The following CAMKK1 variants were observed in gnomAD, a reference collection of about 807,000 sequenced individuals.
CAMKK1 encodes calcium/calmodulin dependent protein kinase kinase 1.
In CAMKK1, 20 loss-of-function variants were observed where a neutral mutation model predicts 63.5. The ratio of observed to expected loss-of-function variants is 0.32; its 90% confidence interval spans 0.22 to 0.46. The LOEUF is 0.46. Ranked by LOEUF, CAMKK1 falls within the 20% of genes least tolerant of loss-of-function variation. CAMKK1 has a pLI of 1.00. For synonymous variants in CAMKK1, 253 were observed against 269.0 expected (o/e 0.94, Z 0.58); for missense variants, 588 against 658.1 (o/e 0.89, Z 1.17).
chr17:3,868,325 C>T (rs1360301099), intron 14 of CAMKK1, among the ~76,000 whole-genome samples: 261 of 145,530 alleles, frequency 1.8e-3, no homozygotes, highest in African/African-American at 6.6e-3. Flanking sequence ...AACTGATACA[C>T]AGGATCTGGG....
chr17:3,869,477 G>T lies in CAMKK1; in HGVS notation c.1341+10C>A. On this transcript the variant is annotated intron_variant, in intron 14 of 15. Coordinates refer to ENST00000348335, the MANE Select transcript of CAMKK1 (RefSeq NM_032294.3). The stretch of plus-strand genomic sequence containing the variant: ...CCAGGACAAGGGAGCATCTACCCCG[G>T]CTCTCTTACCACCGTGGTCCAGCTG... 1 of 1,614,078 alleles carries T rather than the reference G, an allele frequency of 6.2e-7. No individual in the cohort carries two copies. Among genetic ancestry groups the T allele is most frequent in the Non-Finnish European group, 8.5e-7 (1 of 1,179,980 alleles).
In CAMKK1 at chr17:3,884,004, G is replaced by T; in HGVS notation, c.409-67C>A. The T allele has an allele frequency of 1.3e-6, 2 of 1,506,510 alleles. No homozygotes were observed. Among genetic ancestry groups the T allele is most frequent in the South Asian group, 1.1e-5 (1 of 88,544 alleles). 93.3% of individuals were successfully genotyped at this position (1,506,510 alleles called of 1,614,324 possible). A position where few individuals can be genotyped will look rare whatever the true frequency, so the allele number is the denominator to read the frequency against. On this transcript the variant is annotated intron_variant, in intron 3 of 15. Coordinates refer to ENST00000348335, the MANE Select transcript of CAMKK1 (RefSeq NM_032294.3). The surrounding 1 kb of genome is among the most constrained non-coding windows in gnomAD (Gnocchi z 4.5). ...CCCTCCCAGGACCAGCTCAGGAGGTGGGGAGCCGAGCAGCTCTGGTCTCTC... is the reference window on the plus strand; with the variant it reads ...CCCTCCCAGGACCAGCTCAGGAGGTTGGGAGCCGAGCAGCTCTGGTCTCTC...
At position 3,882,740 on chromosome 17, in the gene CAMKK1, C is replaced by T. The variant is rs1018478476; in HGVS notation, c.649-176G>A. ...TGATGGGGCCTCAGAAGTCACCGAC[C>T]CCCAACCTGGCCCGCCACACGACAT... On this transcript the variant is annotated intron_variant, in intron 6 of 15. Coordinates refer to ENST00000348335, the MANE Select transcript of CAMKK1 (RefSeq NM_032294.3). This position sits in a 1 kb window ranked among gnomAD's most constrained non-coding sequence, Gnocchi z 4.3. 3.9e-5 allele frequency among the ~76,000 whole-genome samples: 6 copies of T among 152,132 alleles called. No individual in the cohort carries two copies. The highest frequency in any genetic ancestry group is 8.8e-5 in the Non-Finnish European group (6 of 68,010).
At chr17:3,870,532 A>AT (rs1447717028) in intron 12 of CAMKK1, among the ~76,000 whole-genome samples, 2 of 151,908 alleles carry the variant, frequency 1.3e-5, no homozygotes, top group East Asian at 1.9e-4. Flanking sequence ...TGCCCGGCTA[A>AT]TTTTTTGTAT....
intron 11 of CAMKK1, 50 bp from the exon 12 acceptor site, chr17:3,872,677 G>T: frequency 6.6e-7 from 1 of 1,524,722 alleles, no homozygotes; most frequent in Non-Finnish European, 9.1e-7. Context: ...GCCTCGACCT[G>T]TGCCAGGGGA....
chr17:3,885,494 C>T lies in CAMKK1; in HGVS notation c.194G>A (p.Arg65Gln), dbSNP rs770424932. The part of the protein sequence containing the change: ...PGSTSRLLPA[R>Q]PSLSARKLSL... ...AAGCTTCCTGGCTGAGAGGCTAGGCCGGGCTGGGAGCAGTCTTGAAGTACT... is the reference window on the plus strand; with the variant it reads ...AAGCTTCCTGGCTGAGAGGCTAGGCTGGGCTGGGAGCAGTCTTGAAGTACT... The change falls in exon 2 of 16, where the codon CGG (arginine) becomes CAG (glutamine). Residue 65 changes from arginine (R) to glutamine (Q), a missense_variant. Physicochemically the swap from Arg to Gln is conservative, Grantham distance 43 (BLOSUM62 1). Transcript: ENST00000348335. The T allele has an allele frequency of 4.9e-5, 79 of 1,613,368 alleles. No individual in the cohort carries two copies. The highest frequency in any genetic ancestry group is 5.9e-5 in the Non-Finnish European group (70 of 1,179,936).
rs763886749 is a variant in CAMKK1 at position 3,884,451 on chromosome 17, G to C, written c.361-24C>G. The stretch of plus-strand genomic sequence containing the variant: ...TCCTGTGGGGGAAGAGCGAGCACCA[G>C]GTGGAGCTGGGTCCGGAGGCAGCAC... On this transcript the variant is annotated intron_variant, in intron 2 of 15. Coordinates refer to ENST00000348335, the MANE Select transcript of CAMKK1 (RefSeq NM_032294.3). This position sits in a 1 kb window ranked among gnomAD's most constrained non-coding sequence, Gnocchi z 4.5. 8 of 1,611,200 alleles carry C rather than the reference G, an allele frequency of 5.0e-6. No individual in the cohort carries two copies. In the Admixed American group the frequency reaches 1.3e-4, roughly 27 times the overall value.
At chr17:3,871,069 T>G (rs1298736184) in intron 12 of CAMKK1, among the ~76,000 whole-genome samples, 1 of 152,084 alleles carries the variant, frequency 6.6e-6, no homozygotes, top group African/African-American at 2.4e-5. Flanking sequence ...TTGTTGTGCT[T>G]TATCAGGGCT....
At position 3,876,433 on chromosome 17, in the gene CAMKK1, G is replaced by A. The variant is rs768119619; in HGVS notation, c.797-11C>T. On this transcript the variant is annotated splice_polypyrimidine_tract_variant and intron_variant, in intron 9 of 15. Coordinates refer to ENST00000348335, the MANE Select transcript of CAMKK1 (RefSeq NM_032294.3). ...TCTTCTGGCAGTGCACTGCAGAGAA[G>A]GGGAGCTTGAGCTGAGCGCTGGCCT... The A allele has an allele frequency of 4.3e-6, 7 of 1,612,934 alleles. No individual in the cohort carries two copies. Among genetic ancestry groups the A allele is most frequent in the Admixed American group, 1.7e-5 (1 of 60,028 alleles).
chr17:3,885,295 C>G (rs1286282803), intron 2 of CAMKK1, 33 bp downstream of exon 2: 1 of 1,547,856 alleles, frequency 6.5e-7, no homozygotes, highest in East Asian at 2.3e-5. Flanking sequence ...TACTGAGGGG[C>G]TCATGAACAA....
intron 12 of CAMKK1, among the ~76,000 whole-genome samples, chr17:3,870,801 G>A (rs1482023074): frequency 2.0e-5 from 3 of 152,034 alleles, no homozygotes; most frequent in Admixed American, 6.6e-5. Flanking sequence ...TAAAATTCCT[G>A]GGCTGAGGGG....
In CAMKK1 at chr17:3,879,303, A is replaced by G. The variant is rs1000002416; in HGVS notation, c.796+1043T>C. Reference sequence around the variant, plus strand: ...ACCATCTGTCACTTGGGCTGCAGAAACAGCCTCCTCCCTGGCCAGCTGGCT... The same window carrying G: ...ACCATCTGTCACTTGGGCTGCAGAAGCAGCCTCCTCCCTGGCCAGCTGGCT... On this transcript the variant is annotated intron_variant, in intron 9 of 15. Transcript: ENST00000348335. This position sits in a 1 kb window ranked among gnomAD's most constrained non-coding sequence, Gnocchi z 4.5. The G allele has an allele frequency of 6.5e-6, 1 of 152,762 alleles. No individual in the cohort carries two copies. Among genetic ancestry groups the G allele is most frequent in the African/African-American group, 2.4e-5 (1 of 41,412 alleles). 9.5% of individuals were successfully genotyped at this position (152,762 alleles called of 1,614,324 possible).
At chr17:3,880,516 C>A in intron 8 of CAMKK1, 82 bp from the exon 9 acceptor site, 2 of 1,045,064 alleles carry the variant, frequency 1.9e-6, no homozygotes, top group Non-Finnish European at 2.9e-6. Flanking sequence ...TCCCGGGAAA[C>A]CTGTGCCCAC....
intron 14 of CAMKK1, among the ~76,000 whole-genome samples, chr17:3,868,236 AACTGATACGTGGGC>A (rs2054644992): frequency 1.7e-5 from 2 of 118,060 alleles, no homozygotes; most frequent in Non-Finnish European, 1.8e-5. Context: ...GGCGCCGTCT[AACTGATACGTGGGC>A]TCTGGGGGAG....
At chr17:3,867,343 G>A (rs2054571361) in intron 14 of CAMKK1, among the ~76,000 whole-genome samples, 1 of 152,224 alleles carries the variant, frequency 6.6e-6, no homozygotes, top group Admixed American at 6.5e-5. Flanking sequence ...GTGCATGATG[G>A]CGGGACGGTG....
At chr17:3,888,379 C>T (rs2143901384) in intron 1 of CAMKK1, among the ~76,000 whole-genome samples, 1 of 152,316 alleles carries the variant, frequency 6.6e-6, no homozygotes, top group Middle Eastern at 3.4e-3. Context: ...GTTTCCTGTT[C>T]CAGCCTGAGC....
chr17:3,865,168 G>T, intron 15 of CAMKK1: 1 of 985,702 alleles, frequency 1.0e-6, no homozygotes, highest in Non-Finnish European at 1.2e-6. Flanking sequence ...TAGCATCCCA[G>T]ACTGGCTTTT....
intron 9 of CAMKK1, 60 bp from the exon 10 acceptor site, chr17:3,876,482 C>T: frequency 1.4e-6 from 2 of 1,470,688 alleles, no homozygotes; most frequent in Admixed American, 1.7e-5. Context: ...CAGGACCCCA[C>T]ACCCGTCCTT....
At chr17:3,872,208 G>A (rs1256018358) in intron 12 of CAMKK1, among the ~76,000 whole-genome samples, 1 of 152,204 alleles carries the variant, frequency 6.6e-6, no homozygotes, top group Non-Finnish European at 1.5e-5. Context: ...GAAGTTCCCT[G>A]ACCCTGAGTG....
Sources: allele counts gnomAD v4.1 joint callset (sites outside exome capture counted in the v4.1 genomes callset), GRCh38; gene constraint gnomAD v4.1.1; non-coding constraint Gnocchi (gnomAD v3.1); transcripts MANE v1.5; gene names NCBI Gene and HGNC (gene_info 2026-07-23, HGNC 2026-07-21).